The following CCNJ variants were observed in gnomAD, a reference collection of about 807,000 sequenced individuals.
The protein encoded by CCNJ is cyclin J, also known as cyclin-J.
In CCNJ, 12 loss-of-function variants were observed where a neutral mutation model predicts 41.4. The ratio of observed to expected loss-of-function variants is 0.29; its 90% CI spans 0.19 to 0.47. The LOEUF is 0.47. CCNJ is among the 20% of genes least tolerant of loss of function. The pLI, the probability that CCNJ is intolerant of heterozygous loss-of-function variation, is 1.00. For synonymous variants in CCNJ, 161 were observed against 173.4 expected (o/e 0.93, Z 0.56); for missense variants, 340 against 464.6 (o/e 0.73, Z 2.47).
chr10:96,047,664 T>TA (rs1183933058), intron 2 of CCNJ, among the ~76,000 whole-genome samples: 1 of 152,248 alleles, frequency 6.6e-6, no homozygotes, highest in Non-Finnish European at 1.5e-5. Flanking sequence ...ATTCTTTGGC[T>TA]ACACTACTAA....
chr10:96,050,603 T>C, intron 3 of CCNJ, 137 bp downstream of exon 3: 2 of 666,602 alleles, frequency 3.0e-6, no homozygotes, highest in Admixed American at 5.7e-5. Flanking sequence ...ATGTTAAAAG[T>C]GCTTCTCAGT....
chr10:96,046,035 G>A (rs1211576946), intron 2 of CCNJ, among the ~76,000 whole-genome samples: 1 of 136,102 alleles, frequency 7.3e-6, no homozygotes, highest in Non-Finnish European at 1.6e-5. Flanking sequence ...ATTCGTGAGT[G>A]ATTATCTGCA....
chr10:96,054,717 C>T (rs979254050), intron 3 of CCNJ, among the ~76,000 whole-genome samples: 2 of 152,282 alleles, frequency 1.3e-5, no homozygotes. Context: ...TGGCCAACCT[C>T]GCTACCTTGG....
chr10:96,056,987 A>G lies in CCNJ; in HGVS notation c.567A>G (p.Glu189=). Residue 189 remains glutamate (E), a synonymous_variant, in exon 4 of 6, where the codon GAA becomes GAG. Coordinates refer to ENST00000465148, the MANE Select transcript of CCNJ (RefSeq NM_001134375.2). ...YMAKYADYFL[E]VSLQDYAFLN... is the part of the protein sequence containing the mutation. ...CCAAATATGCAGATTACTTCCTGGA[A>G]GTATCTTTGCAAGGTGGGTTGTTGT... The G allele has an allele frequency of 6.2e-7, 1 of 1,613,758 alleles. No individual in the cohort carries two copies. The highest frequency in any genetic ancestry group is 1.1e-5 in the South Asian group (1 of 91,058).
At chr10:96,043,305 C>A (rs1404727251), upstream of CCNJ, 1 of 299,786 alleles carries the variant, frequency 3.3e-6, no homozygotes, top group East Asian at 5.4e-5. Context: ...CTCTGCCGAC[C>A]TCAGCCGGCG....
Position 96,060,506 on chromosome 10 carries a change from A to C in CCNJ, c.*2265A>C, listed in dbSNP as rs1266002268. 1.3e-5 allele frequency: 2 copies of C among 152,626 alleles called. No individual in the cohort carries two copies. The highest frequency in any genetic ancestry group is 4.8e-5 in the African/African-American group (2 of 41,448). The allele number at this position is 152,626 out of a possible 1,614,324, so 9.5% of individuals were successfully genotyped here. A position where few individuals can be genotyped will look rare whatever the true frequency, so the allele number is the denominator to read the frequency against. ...TGGGATGGGGTGGTTGGAGAACCAGAACTATTTTTAAAACATTAGGTTTCA... is the reference window on the plus strand; with the variant it reads ...TGGGATGGGGTGGTTGGAGAACCAGCACTATTTTTAAAACATTAGGTTTCA... On this transcript the variant is annotated 3_prime_UTR_variant, in exon 6 of 6. Transcript: ENST00000465148.
At position 96,058,302 on chromosome 10, in the gene CCNJ, T is replaced by G; in HGVS notation, c.*61T>G. ...TGTGACATGAAGCTATGGGTAAGCG[T>G]TTTGTAAACTTCTGTTCAAAAGGAA... On this transcript the variant is annotated 3_prime_UTR_variant, in exon 6 of 6. Coordinates refer to ENST00000465148, the MANE Select transcript of CCNJ (RefSeq NM_001134375.2). The G allele has an allele frequency of 2.1e-6, 3 of 1,412,396 alleles. No individual in the cohort carries two copies. The highest frequency in any genetic ancestry group is 2.9e-6 in the Non-Finnish European group (3 of 1,025,388). 87.5% of individuals were successfully genotyped at this position (1,412,396 alleles called of 1,614,324 possible).
intron 2 of CCNJ, among the ~76,000 whole-genome samples, chr10:96,045,310 G>C (rs1183878374): frequency 6.6e-6 from 1 of 152,074 alleles, no homozygotes; most frequent in East Asian, 1.9e-4. Flanking sequence ...GTTTCACCTT[G>C]GATAAAGAAA....
intron 2 of CCNJ, among the ~76,000 whole-genome samples, chr10:96,046,258 C>G (rs1022664329): frequency 6.6e-6 from 1 of 152,182 alleles, no homozygotes; most frequent in Non-Finnish European, 1.5e-5. Context: ...CCACCTATGG[C>G]CTACTGCCCT....
At chr10:96,051,177 G>C (rs892798170) in intron 3 of CCNJ, among the ~76,000 whole-genome samples, 1 of 152,232 alleles carries the variant, frequency 6.6e-6, no homozygotes, top group African/African-American at 2.4e-5. Flanking sequence ...TAGGCTCCAA[G>C]ATACAATCTG....
At position 96,060,505 on chromosome 10, in the gene CCNJ, G is replaced by A. The variant is rs917750706; in HGVS notation, c.*2264G>A. On this transcript the variant is annotated 3_prime_UTR_variant, in exon 6 of 6. Coordinates refer to ENST00000465148, the MANE Select transcript of CCNJ (RefSeq NM_001134375.2). Reference sequence around the variant, plus strand: ...GTGGGATGGGGTGGTTGGAGAACCAGAACTATTTTTAAAACATTAGGTTTC... The same window carrying A: ...GTGGGATGGGGTGGTTGGAGAACCAAAACTATTTTTAAAACATTAGGTTTC... 6.6e-6 allele frequency: 1 copy of A among 152,370 alleles called. No individual in the cohort carries two copies. Among genetic ancestry groups the A allele is most frequent in the African/African-American group, 2.4e-5 (1 of 41,352 alleles). The allele number at this position is 152,370 out of a possible 1,614,324, so 9.4% of individuals were successfully genotyped here.
intron 2 of CCNJ, among the ~76,000 whole-genome samples, chr10:96,047,207 A>G (rs1444298654): frequency 1.3e-5 from 2 of 152,136 alleles, no homozygotes; most frequent in Admixed American, 6.5e-5. Context: ...TGCATGGGAG[A>G]TGCTCAATAA....
chr10:96,048,752 A>G (rs7913418), intron 2 of CCNJ, among the ~76,000 whole-genome samples: 46,230 of 151,564 alleles, frequency 0.31, 7,794 homozygotes, highest in East Asian at 0.52. Context: ...CATGTAGTAT[A>G]TTATAAGAAT....
At chr10:96,044,044 G>A (rs964888794) in intron 1 of CCNJ, among the ~76,000 whole-genome samples, 1 of 152,192 alleles carries the variant, frequency 6.6e-6, no homozygotes, top group Non-Finnish European at 1.5e-5. Context: ...AGCCCCAGCC[G>A]GGCCTCCCCC....
At chr10:96,049,797 A>C (rs2142041352) in intron 2 of CCNJ, among the ~76,000 whole-genome samples, 1 of 152,320 alleles carries the variant, frequency 6.6e-6, no homozygotes, top group Admixed American at 6.5e-5. Flanking sequence ...ACTAGAGGAA[A>C]GGTACTGCTT....
intron 2 of CCNJ, among the ~76,000 whole-genome samples, chr10:96,045,207 C>T (rs1014655651): frequency 1.3e-5 from 2 of 152,204 alleles, no homozygotes; most frequent in African/African-American, 2.4e-5. Flanking sequence ...AACGGTTTTA[C>T]TCTGCATGTG....
At chr10:96,045,196 T>C (rs1293137472) in intron 2 of CCNJ, among the ~76,000 whole-genome samples, 1 of 152,202 alleles carries the variant, frequency 6.6e-6, no homozygotes, top group African/African-American at 2.4e-5. Context: ...TGCTATTAAG[T>C]AACGGTTTTA....
In CCNJ at chr10:96,044,336, TG is replaced by T; in HGVS notation, c.-41-13del. The T allele has an allele frequency of 7.2e-7, 1 of 1,384,648 alleles. No homozygotes were observed. The highest frequency in any genetic ancestry group is 9.6e-7 in the Non-Finnish European group (1 of 1,040,128). 85.8% of individuals were successfully genotyped at this position (1,384,648 alleles called of 1,614,324 possible). The stretch of plus-strand genomic sequence containing the variant: ...CGGGGGAGCCGGCAGTGACCGCGCC[TG>T]GGGTGTGTCTTACAGACTCGAGTTG... On this transcript the variant is annotated splice_polypyrimidine_tract_variant and intron_variant, in intron 1 of 5. Transcript: ENST00000465148.
intron 3 of CCNJ, among the ~76,000 whole-genome samples, chr10:96,053,597 G>A (rs892394270): frequency 6.6e-6 from 1 of 152,268 alleles, no homozygotes; most frequent in East Asian, 1.9e-4. Flanking sequence ...TATGGAGCAT[G>A]TGGAAGTAAT....
Sources: allele counts gnomAD v4.1 joint callset (sites outside exome capture counted in the v4.1 genomes callset), GRCh38; gene constraint gnomAD v4.1.1; transcripts MANE v1.5; gene names NCBI Gene and HGNC (gene_info 2026-07-23, HGNC 2026-07-21).